Variants in WDPCP observed in about 807,000 individuals in gnomAD.
The protein encoded by WDPCP is WD repeat-containing and planar cell polarity effector protein fritz homolog.
In WDPCP, 71 loss-of-function variants were observed where a neutral mutation model predicts 93.1. The ratio of observed to expected loss-of-function variants is 0.76; its 90% CI spans 0.63 to 0.93. The LOEUF (loss-of-function observed/expected upper bound fraction) is 0.93. WDPCP is among the 40% of genes least tolerant of loss of function. WDPCP has a pLI of 0.00. For synonymous variants in WDPCP, 315 were observed against 315.0 expected, an observed-to-expected ratio of 1.00 and a Z score of 0.00; for missense variants, 844 against 887.4, an observed-to-expected ratio of 0.95 and a Z score of 0.62.
chr2:63,122,740 C>T (rs1669630160), intron 17 of WDPCP, among the ~76,000 whole-genome samples: 1 of 151,868 alleles, frequency 6.6e-6, no homozygotes. Flanking sequence ...TTGAAGATAA[C>T]CTACTTAGAG....
At chr2:63,314,069 G>T (rs1189299168) in intron 12 of WDPCP, among the ~76,000 whole-genome samples, 2 of 150,680 alleles carry the variant, frequency 1.3e-5, no homozygotes, top group African/African-American at 2.4e-5. Flanking sequence ...AGTAGAGATG[G>T]TGATTCACCA....
At chr2:63,575,328 T>C (rs1707849116) in intron 1 of WDPCP, among the ~76,000 whole-genome samples, 1 of 144,186 alleles carries the variant, frequency 6.9e-6, no homozygotes, top group Admixed American at 6.9e-5. Flanking sequence ...ATATACACAG[T>C]ATATATGGTA....
chr2:63,308,925 C>G (rs1685960519), intron 13 of WDPCP, among the ~76,000 whole-genome samples: 1 of 152,064 alleles, frequency 6.6e-6, no homozygotes. Context: ...TCATGAAATA[C>G]TGTTCAGCCA....
At chr2:63,500,549 T>C (rs887443745) in intron 1 of WDPCP, among the ~76,000 whole-genome samples, 2 of 151,908 alleles carry the variant, frequency 1.3e-5, no homozygotes, top group Non-Finnish European at 2.9e-5. Flanking sequence ...CTCAATATGA[T>C]TTAATGAGAA....
chr2:63,549,956 T>A (rs992807711), intron 1 of WDPCP, among the ~76,000 whole-genome samples: 1 of 152,018 alleles, frequency 6.6e-6, no homozygotes, highest in Non-Finnish European at 1.5e-5. Flanking sequence ...CTCTCTTTCC[T>A]AGGCCATCTC....
At chr2:63,755,083 A>G (rs781203891) in intron 2 of WDPCP, among the ~76,000 whole-genome samples, 3 of 152,176 alleles carry the variant, frequency 2.0e-5, no homozygotes, top group Non-Finnish European at 2.9e-5. Context: ...TGCCCTCATG[A>G]CGTAGTAGCT....
intron 2 of WDPCP, among the ~76,000 whole-genome samples, chr2:63,690,542 C>A (rs1389226936): frequency 6.6e-6 from 1 of 151,932 alleles, no homozygotes; most frequent in African/African-American, 2.4e-5. Context: ...TCGCTTGAGC[C>A]CAGGAGTTTG....
intron 1 of WDPCP, among the ~76,000 whole-genome samples, chr2:63,502,069 G>T (rs191945013): frequency 1.9e-4 from 29 of 152,320 alleles, no homozygotes; most frequent in African/African-American, 6.0e-4. Context: ...ATTGCACAGT[G>T]TGGCATGCGG....
At chr2:63,343,264 T>A (rs994079407) in intron 12 of WDPCP, among the ~76,000 whole-genome samples, 12 of 151,896 alleles carry the variant, frequency 7.9e-5, no homozygotes, top group Non-Finnish European at 1.5e-5. Context: ...CACCTCGGCC[T>A]CCCAAAGTGC....
At chr2:63,306,995 A>G (rs1206996052) in intron 13 of WDPCP, among the ~76,000 whole-genome samples, 1 of 152,220 alleles carries the variant, frequency 6.6e-6, no homozygotes, top group Non-Finnish European at 1.5e-5. Context: ...AGAAAACCCC[A>G]TCGTCTCAGC....
At chr2:63,240,519 A>C (rs1310560199) in intron 14 of WDPCP, among the ~76,000 whole-genome samples, 2 of 152,226 alleles carry the variant, frequency 1.3e-5, no homozygotes, top group African/African-American at 4.8e-5. Context: ...TAACTGCATA[A>C]ATCTACTTGT....
intron 13 of WDPCP, among the ~76,000 whole-genome samples, chr2:63,304,116 C>T (rs749339796): frequency 2.6e-5 from 4 of 152,076 alleles, no homozygotes; most frequent in South Asian, 4.1e-4. Context: ...TACCATTCAA[C>T]CCAGCAATCC....
At chr2:63,525,882 T>A (rs1408179016) in intron 1 of WDPCP, among the ~76,000 whole-genome samples, 1 of 152,230 alleles carries the variant, frequency 6.6e-6, no homozygotes, top group Non-Finnish European at 1.5e-5. Context: ...CTTTTCATTT[T>A]TTCCTCCCAT....
intron 2 of WDPCP, among the ~76,000 whole-genome samples, chr2:63,779,588 G>A (rs1002375981): frequency 5.3e-5 from 8 of 152,112 alleles, no homozygotes; most frequent in Non-Finnish European, 1.2e-4. Context: ...TGGTGGGGAG[G>A]GGTGCCCACA....
chr2:63,556,377 G>A (rs1274227127), intron 1 of WDPCP, among the ~76,000 whole-genome samples: 1 of 152,104 alleles, frequency 6.6e-6, no homozygotes, highest in Non-Finnish European at 1.5e-5. Context: ...GATTGATTGG[G>A]GTACCTGAAA....
intron 14 of WDPCP, among the ~76,000 whole-genome samples, chr2:63,206,982 T>C (rs182411995): frequency 1.3e-5 from 2 of 152,304 alleles, no homozygotes; most frequent in African/African-American, 4.8e-5. Context: ...AAACTAATTC[T>C]CCTCCTCCCT....
chr2:63,291,762 T>C (rs914305793), intron 13 of WDPCP, among the ~76,000 whole-genome samples: 9 of 150,834 alleles, frequency 6.0e-5, no homozygotes, highest in Non-Finnish European at 1.0e-4. Flanking sequence ...TGAGCTGAGA[T>C]TGTGCCATTG....
intron 3 of WDPCP, chr2:63,622,951 G>T: frequency 1.2e-6 from 1 of 844,628 alleles, no homozygotes; most frequent in Non-Finnish European, 1.9e-6. Context: ...TCGTAGCTCA[G>T]TCACCACCGC....
intron 13 of WDPCP, among the ~76,000 whole-genome samples, chr2:63,263,503 G>A (rs1038250246): frequency 1.3e-5 from 2 of 152,078 alleles, no homozygotes; most frequent in Non-Finnish European, 2.9e-5. Context: ...CCTTCACCAT[G>A]GGATCACTCT....
Sources: gnomAD v4.1 joint callset for allele counts (sites outside exome capture counted in the v4.1 genomes callset) on GRCh38, gnomAD v4.1.1 for gene constraint, MANE v1.5 for transcripts, NCBI Gene and HGNC (gene_info 2026-07-23, HGNC 2026-07-21) for gene names.